Variants in FYCO1 observed in about 807,000 individuals in gnomAD.
The protein encoded by FYCO1 is FYVE and coiled-coil domain autophagy adaptor 1.
A neutral mutation model predicts 165.1 loss-of-function variants in FYCO1; 122 were observed. That is an observed-to-expected ratio of 0.74 (90% CI 0.64 to 0.86). The LOEUF (loss-of-function observed/expected upper bound fraction) is 0.86, where lower values mean the gene tolerates loss of function less well. Among genes scored for constraint, FYCO1 ranks in the 40% least tolerant of loss-of-function variants. The probability of loss-of-function intolerance (pLI) is 0.00; values close to 1 mark genes in which losing one functional copy is unlikely to be tolerated. For synonymous variants in FYCO1, 648 were observed against 742.5 expected, an observed-to-expected ratio of 0.87 and a Z score of 2.07; for missense variants, 1,702 against 1,810.3, an observed-to-expected ratio of 0.94 and a Z score of 1.09.
intron 14 of FYCO1, chr3:45,941,135 T>G (rs2125812803): frequency 6.6e-6 from 1 of 152,386 alleles, no homozygotes; most frequent in East Asian, 1.9e-4. Context: ...TCCTCTCATC[T>G]TAGCCTCTTG....
intron 11 of FYCO1, among the ~76,000 whole-genome samples, chr3:45,959,888 C>T (rs761548964): frequency 2.6e-5 from 4 of 152,168 alleles, no homozygotes; most frequent in East Asian, 1.9e-4. Flanking sequence ...GCTGCCATGC[C>T]GACGGCGTGC....
Position 45,938,322 on chromosome 3 carries a change from G to A in FYCO1, c.3945-1779C>T, listed in dbSNP as rs530444260. On this transcript the variant is annotated intron_variant, in intron 14 of 17. Transcript: ENST00000296137. ...TCTCAAAGGTGACAATTAGGGCAGA[G>A]GGCTTTCTTTTCAATAGGTTTTCAA... 5 of 949,240 alleles carry A rather than the reference G, an allele frequency of 5.3e-6. No individual in the cohort carries two copies. In the East Asian group the frequency reaches 2.4e-4, roughly 46 times the overall value. The allele number at this position is 949,240 out of a possible 1,614,324, so 58.8% of individuals were successfully genotyped here.
chr3:45,958,538 G>A lies in FYCO1; in HGVS notation c.3669C>T (p.Cys1223=). Residue 1223 remains cysteine, a synonymous_variant, in exon 13 of 18, where the codon TGC becomes TGT. Transcript: ENST00000296137. ...CACTGAGCTTCTGGAAACAGGCTCGGCAGCAGCGCTCCTTTTTGCCACCGT... is the reference window on the plus strand; with the variant it reads ...CACTGAGCTTCTGGAAACAGGCTCGACAGCAGCGCTCCTTTTTGCCACCGT... The part of the protein sequence containing the change: ...SKHGGKKERC[C]RACFQKLSEG... The A allele has an allele frequency of 6.2e-7, 1 of 1,614,226 alleles. No individual in the cohort carries two copies. Among genetic ancestry groups the A allele is most frequent in the Non-Finnish European group, 8.5e-7 (1 of 1,180,038 alleles).
At chr3:45,977,276 C>A (rs1038508201) in intron 4 of FYCO1, among the ~76,000 whole-genome samples, 4 of 149,504 alleles carry the variant, frequency 2.7e-5, no homozygotes, top group African/African-American at 7.5e-5. Flanking sequence ...TTATACCAGC[C>A]TTTAGAACAT....
chr3:45,944,196 C>G (rs201431077), intron 14 of FYCO1, among the ~76,000 whole-genome samples: 4 of 149,946 alleles, frequency 2.7e-5, no homozygotes, highest in Non-Finnish European at 4.5e-5. Context: ...GCGTGTGTGT[C>G]TGTGTGTGTG....
intron 14 of FYCO1, chr3:45,947,293 T>C: frequency 6.2e-7 from 1 of 1,614,180 alleles, no homozygotes; most frequent in Non-Finnish European, 8.5e-7. Context: ...TACACCATCA[T>C]GGTGACAGAG....
Position 45,921,621 on chromosome 3 carries a change from TCCCCAGACA to T in FYCO1, c.*135_*143del, listed in dbSNP as rs1703095193. 1.4e-6 allele frequency: 1 copy of T among 695,754 alleles called. No homozygotes were observed. The allele number at this position is 695,754 out of a possible 1,614,324, so 43.1% of individuals were successfully genotyped here. A position where few individuals can be genotyped will look rare whatever the true frequency, so the allele number is the denominator to read the frequency against. On this transcript the variant is annotated 3_prime_UTR_variant, in exon 18 of 18. Coordinates refer to ENST00000296137, the MANE Select transcript of FYCO1 (RefSeq NM_024513.4). ...GTGCAGAGTGCTGAGCACAAAGTCC[TCCCCAGACA>T]CCGCCTCTGAGGGGCAGCCCAGGGG...
At chr3:45,979,029 T>G (rs1706911632) in intron 4 of FYCO1, among the ~76,000 whole-genome samples, 1 of 151,614 alleles carries the variant, frequency 6.6e-6, no homozygotes, top group Admixed American at 6.6e-5. Context: ...GCTAATTTTT[T>G]TGTGTGTTTT....
intron 5 of FYCO1, among the ~76,000 whole-genome samples, chr3:45,974,599 G>A (rs985735955): frequency 6.6e-6 from 1 of 152,078 alleles, no homozygotes; most frequent in Non-Finnish European, 1.5e-5. Context: ...AAAGGAAAGG[G>A]GCCAAGAGAT....
rs1339014344 is a variant in FYCO1 at position 45,962,185 on chromosome 3, G to C, written c.3437+40C>G. ...CATTTCTTTAGAGAAAAACCCCAGTGTGGGGAAAACCCCAGCTGCTGGTTT... is the reference window on the plus strand; with the variant it reads ...CATTTCTTTAGAGAAAAACCCCAGTCTGGGGAAAACCCCAGCTGCTGGTTT... On this transcript the variant is annotated intron_variant, in intron 11 of 17. Transcript: ENST00000296137. This position sits in a 1 kb window ranked among gnomAD's most constrained non-coding sequence, Gnocchi z 4.4. 3.7e-6 allele frequency: 6 copies of C among 1,605,912 alleles called. No homozygotes were observed. Among genetic ancestry groups the C allele is most frequent in the Non-Finnish European group, 5.1e-6 (6 of 1,172,506 alleles).
chr3:45,942,105 C>T (rs770858364), intron 14 of FYCO1, among the ~76,000 whole-genome samples: 3 of 152,204 alleles, frequency 2.0e-5, no homozygotes, highest in East Asian at 1.9e-4. Context: ...ACAGTCTGAA[C>T]GAATTCATTC....
At chr3:45,961,023 C>A (rs1349788055) in intron 11 of FYCO1, among the ~76,000 whole-genome samples, 2 of 152,046 alleles carry the variant, frequency 1.3e-5, no homozygotes, top group Non-Finnish European at 2.9e-5. Context: ...ACAGGAAATG[C>A]AAGGGATGGA....
Position 45,936,510 on chromosome 3 carries a change from G to T in FYCO1, c.3978C>A (p.Asp1326Glu), listed in dbSNP as rs1703899212. 2 of 1,613,824 alleles carry T rather than the reference G, an allele frequency of 1.2e-6. No homozygotes were observed. Among genetic ancestry groups the T allele is most frequent in the African/African-American group, 2.7e-5 (2 of 74,924 alleles). ...CCTGCCCCACGGGCATGTCTTCAGTGTCCTCAGGCGTTAGCGAGGTTGATG... is the reference window on the plus strand; with the variant it reads ...CCTGCCCCACGGGCATGTCTTCAGTTTCCTCAGGCGTTAGCGAGGTTGATG... ...DTTSTSLTPE[D>E]TEDMPVGQDS... The change falls in exon 15 of 18, where the codon GAC becomes GAA. Residue 1326 changes from aspartate (D) to glutamate (E), a missense_variant. Asp to Glu is a conservative substitution (Grantham distance 45). Transcript: ENST00000296137.
Position 45,967,109 on chromosome 3 carries a change from T to A in FYCO1, c.2225A>T (p.Gln742Leu). Residue 742 changes from glutamine (Q) to leucine (L), a missense_variant, in exon 8 of 18, where the codon CAG becomes CTG. Physicochemically the swap from Gln to Leu is moderately radical, Grantham distance 113. Transcript: ENST00000296137. Reference protein sequence around the residue: ...ALESQCQQQTQLIEVLTAEKG... With the variant: ...ALESQCQQQTLLIEVLTAEKG... ...CTCTGCTGTGAGGACCTCAATCAGC[T>A]GGGTCTGCTGCTGGCACTGGCTCTC... The A allele has an allele frequency of 6.2e-7, 1 of 1,613,956 alleles. No individual in the cohort carries two copies. The highest frequency in any genetic ancestry group is 1.1e-5 in the South Asian group (1 of 91,072).
chr3:45,935,936 C>T (rs1323939937), intron 15 of FYCO1, among the ~76,000 whole-genome samples: 1 of 151,814 alleles, frequency 6.6e-6, no homozygotes, highest in East Asian at 1.9e-4. Context: ...CTGGAGAACT[C>T]GATGATATGG....
intron 14 of FYCO1, chr3:45,938,309 C>A (rs1704011019): frequency 9.3e-7 from 1 of 1,070,116 alleles, no homozygotes; most frequent in African/African-American, 1.6e-5. Flanking sequence ...TCAAAGGTGA[C>A]AATTAGGGCA....
At position 45,979,771 on chromosome 3, in the gene FYCO1, G is replaced by A. The variant is rs1019967300; in HGVS notation, c.222C>T (p.Phe74=). ...LGNKKDYWDY[F]CACLAKVKGA... ...CTTTCACCTTGGCCAGGCAGGCACA[G>A]AAGTAATCCCAGTAGTCCTTCTTGT... Residue 74 remains phenylalanine (F), a synonymous_variant, in exon 4 of 18, where the codon TTC becomes TTT. Transcript: ENST00000296137. The A allele has an allele frequency of 1.9e-6, 3 of 1,614,116 alleles. No homozygotes were observed. The highest frequency in any genetic ancestry group is 1.3e-5 in the African/African-American group (1 of 75,046).
chr3:45,995,121 G>A (rs1192561020), intron 1 of FYCO1, among the ~76,000 whole-genome samples: 1 of 133,140 alleles, frequency 7.5e-6, no homozygotes, highest in Admixed American at 8.8e-5. Flanking sequence ...AGAGACAACA[G>A]GTGTTTCGGG....
rs764436899 is a variant in FYCO1, at chr3:45,984,921, C to A, written c.-11G>T. The A allele has an allele frequency of 5.0e-6, 8 of 1,613,936 alleles. No individual in the cohort carries two copies. The African/African-American group carries it at 1.1e-4, about 22-fold the overall frequency. On this transcript the variant is annotated 5_prime_UTR_variant, in exon 2 of 18. Coordinates refer to ENST00000296137, the MANE Select transcript of FYCO1 (RefSeq NM_024513.4). The stretch of plus-strand genomic sequence containing the variant: ...ATTGGTGGAGGCCATGGTGAGTTTG[C>A]CTTTCTTGTCTGTATGTCTCCTGCC...
Sources: gnomAD v4.1 joint callset for allele counts (sites outside exome capture counted in the v4.1 genomes callset) on GRCh38, gnomAD v4.1.1 for gene constraint, Gnocchi (gnomAD v3.1) non-coding constraint, MANE v1.5 for transcripts, NCBI Gene and HGNC (gene_info 2026-07-23, HGNC 2026-07-21) for gene names.